FXR1: variants seen among roughly 807,000 people sequenced by gnomAD.
The protein encoded by FXR1 is FMR1 autosomal homolog 1.
Under a neutral mutation model 84.0 loss-of-function variants are expected in FXR1, and 15 were observed. The ratio of observed to expected loss-of-function variants is 0.18; its 90% CI spans 0.12 to 0.27. The LOEUF (loss-of-function observed/expected upper bound fraction) is 0.27. Ranked by LOEUF, FXR1 falls within the 10% of genes least tolerant of loss-of-function variation. FXR1 has a pLI of 1.00. For synonymous variants in FXR1, 245 were observed against 250.7 expected (o/e 0.98, Z 0.21); for missense variants, 480 against 774.4 (o/e 0.62, Z 4.51).
chr3:180,914,058 C>T (rs1345883771), intron 1 of FXR1, among the ~76,000 whole-genome samples: 1 of 152,194 alleles, frequency 6.6e-6, no homozygotes, highest in Non-Finnish European at 1.5e-5. Context: ...AAGGATCCCC[C>T]TAAGCTTTTT....
chr3:180,954,003 G>C (rs1344168409), intron 9 of FXR1, 163 bp downstream of exon 9: 2 of 548,646 alleles, frequency 3.6e-6, no homozygotes, highest in Non-Finnish European at 6.4e-6. Context: ...ATAACATTTT[G>C]TGTAACTTGT....
chr3:180,919,660 T>C (rs502618), intron 1 of FXR1, among the ~76,000 whole-genome samples: 75,692 of 151,648 alleles, frequency 0.5, 21,492 homozygotes, highest in African/African-American at 0.79. Context: ...ATTAATATTA[T>C]CTATTTCTTT....
intron 10 of FXR1, among the ~76,000 whole-genome samples, chr3:180,960,036 A>AT (rs757185277): frequency 2.0e-5 from 3 of 152,162 alleles, no homozygotes; most frequent in South Asian, 2.1e-4. Context: ...ATGGAAACTG[A>AT]TTGGGGGAGT....
intron 7 of FXR1, 132 bp downstream of exon 7, chr3:180,949,475 C>G: frequency 1.5e-6 from 1 of 665,596 alleles, no homozygotes; most frequent in South Asian, 1.6e-5. Flanking sequence ...CAACCTCCAC[C>G]TCCCGGATTC....
intron 15 of FXR1, among the ~76,000 whole-genome samples, chr3:180,973,590 T>C (rs1356110256): frequency 6.6e-6 from 1 of 152,240 alleles, no homozygotes; most frequent in Non-Finnish European, 1.5e-5. Flanking sequence ...ATAGCCCTTT[T>C]TCCAATATTG....
At chr3:180,962,410 C>A (rs1224745930) in intron 11 of FXR1, among the ~76,000 whole-genome samples, 1 of 152,182 alleles carries the variant, frequency 6.6e-6, no homozygotes, top group Non-Finnish European at 1.5e-5. Context: ...CCTGTAATGA[C>A]CTCAATTTCT....
Position 180,982,742 on chromosome 3 carries a change from A to G in FXR1, c.*6450A>G, listed in dbSNP as rs931658686. On this transcript the variant is annotated 3_prime_UTR_variant, in exon 17 of 17. Transcript: ENST00000357559. ...GTCCAATGGACTGAAATAAAAGGTTAGTAAACCAAAATACAGTTGATCCTC... is the reference window on the plus strand; with the variant it reads ...GTCCAATGGACTGAAATAAAAGGTTGGTAAACCAAAATACAGTTGATCCTC... The G allele has an allele frequency of 1.3e-5, 2 of 152,192 alleles. No homozygotes were observed. The highest frequency in any genetic ancestry group is 2.9e-5 in the Non-Finnish European group (2 of 67,990). The allele number at this position is 152,192 out of a possible 1,614,324, so 9.4% of individuals were successfully genotyped here.
chr3:180,934,771 T>C (rs932847863), intron 2 of FXR1, among the ~76,000 whole-genome samples: 2 of 152,216 alleles, frequency 1.3e-5, no homozygotes, highest in Non-Finnish European at 2.9e-5. Context: ...ATACCACTAC[T>C]ATTTATTGGG....
chr3:180,951,133 C>T (rs1036169142), intron 7 of FXR1, among the ~76,000 whole-genome samples, 165 bp from the exon 8 acceptor site: 4 of 151,584 alleles, frequency 2.6e-5, no homozygotes, highest in African/African-American at 4.8e-5. Flanking sequence ...TGAAGTGGGA[C>T]GATTGCTTGA....
chr3:180,976,973 G>C lies in FXR1; in HGVS notation c.*681G>C, dbSNP rs1440791917. On this transcript the variant is annotated 3_prime_UTR_variant, in exon 17 of 17. Coordinates refer to ENST00000357559, the MANE Select transcript of FXR1 (RefSeq NM_005087.4). ...TAAAACACTAAGCTGAATTAGTCAT[G>C]TCCATTCAGACATAACCTGAACTAC... The C allele has an allele frequency of 6.6e-6, 1 of 152,248 alleles. No homozygotes were observed. The highest frequency in any genetic ancestry group is 2.4e-5 in the African/African-American group (1 of 41,346). The allele number at this position is 152,248 out of a possible 1,614,324, so 9.4% of individuals were successfully genotyped here.
rs752303976 is a variant in FXR1 at position 180,968,033 on chromosome 3, GTTCTT to G, written c.1199-9_1199-5del. ...TTTTATAGAAATCTAAGTGGTTTATGTTCTTTTCTTTTCCAAGGTACAAATTCTGA... is the reference window on the plus strand; with the variant it reads ...TTTTATAGAAATCTAAGTGGTTTATGTTCTTTTCCAAGGTACAAATTCTGA... On this transcript the variant is annotated splice_polypyrimidine_tract_variant and intron_variant, in intron 13 of 16. Coordinates refer to ENST00000357559, the MANE Select transcript of FXR1 (RefSeq NM_005087.4). 3 of 1,531,588 alleles carry G rather than the reference GTTCTT, an allele frequency of 2.0e-6. No homozygotes were observed. Among genetic ancestry groups the G allele is most frequent in the South Asian group, 2.2e-5 (2 of 89,380 alleles). The allele number at this position is 1,531,588 out of a possible 1,614,324, so 94.9% of individuals were successfully genotyped here.
intron 1 of FXR1, among the ~76,000 whole-genome samples, chr3:180,926,506 A>ATTTTTTTTTTTTTTTT (rs57540765): frequency 1.6e-5 from 2 of 124,384 alleles, no homozygotes; most frequent in African/African-American, 5.8e-5. Flanking sequence ...ATATATATAT[A>ATTTTTTTTTTTTTTTT]TTTTTTTTTC....
intron 14 of FXR1, 28 bp from the exon 15 acceptor site, chr3:180,970,130 A>T: frequency 7.8e-7 from 1 of 1,280,518 alleles, no homozygotes; most frequent in Non-Finnish European, 1.1e-6. Flanking sequence ...TCTTAAACGA[A>T]TATTTCTTGC....
At chr3:180,933,244 TA>T in intron 1 of FXR1, 89 bp from the exon 2 acceptor site, 1 of 737,088 alleles carries the variant, frequency 1.4e-6, no homozygotes, top group Non-Finnish European at 2.4e-6. Context: ...GTTCTTTTAG[TA>T]CTCCCTATTA....
chr3:180,938,315 TTTTTCATACA>T (rs1201491746), intron 3 of FXR1, among the ~76,000 whole-genome samples: 2 of 152,202 alleles, frequency 1.3e-5, no homozygotes, highest in Non-Finnish European at 2.9e-5. Flanking sequence ...TGGAGGTATC[TTTTTCATACA>T]TTAAGTGACT....
intron 3 of FXR1, among the ~76,000 whole-genome samples, chr3:180,936,049 G>A (rs992199050): frequency 6.6e-6 from 1 of 151,828 alleles, no homozygotes; most frequent in Non-Finnish European, 1.5e-5. Flanking sequence ...GTGTCACCAC[G>A]CCTGGCTAAT....
chr3:180,950,215 T>G (rs1359436600), intron 7 of FXR1, among the ~76,000 whole-genome samples: 1 of 152,232 alleles, frequency 6.6e-6, no homozygotes. Flanking sequence ...CACACTGTGA[T>G]GTCTCAGAGA....
At chr3:180,916,145 A>G (rs1255276854) in intron 1 of FXR1, among the ~76,000 whole-genome samples, 2 of 152,188 alleles carry the variant, frequency 1.3e-5, no homozygotes, top group Non-Finnish European at 2.9e-5. Context: ...AGGTGTCTTG[A>G]AAAAGAAAGT....
chr3:180,933,479 AT>A, intron 2 of FXR1, 93 bp downstream of exon 2: 1 of 740,476 alleles, frequency 1.4e-6, no homozygotes, highest in Admixed American at 2.2e-5. Context: ...TGGAAAAATG[AT>A]TTTGCTTTTA....
Sources: allele counts gnomAD v4.1 joint callset (sites outside exome capture counted in the v4.1 genomes callset), GRCh38; gene constraint gnomAD v4.1.1; transcripts MANE v1.5; gene names NCBI Gene and HGNC (gene_info 2026-07-23, HGNC 2026-07-21).